Variants in TRAPPC10 observed in about 807,000 individuals in gnomAD.
The protein encoded by TRAPPC10 is trafficking protein particle complex subunit 10, also known as TRAPP 130 kDa subunit.
In TRAPPC10, 23 loss-of-function variants were observed where a neutral mutation model predicts 125.5. That is an observed-to-expected ratio of 0.18 (90% confidence interval 0.13 to 0.26). The LOEUF (loss-of-function observed/expected upper bound fraction) is 0.26, where lower values mean the gene tolerates loss of function less well. Among genes scored for constraint, TRAPPC10 ranks in the 10% least tolerant of loss-of-function variants. The pLI, the probability that TRAPPC10 is intolerant of heterozygous loss-of-function variation, is 1.00. For missense variants in TRAPPC10, 1,123 were observed against 1,308.4 expected (o/e 0.86, Z 2.19); for synonymous variants, 509 against 518.0 (o/e 0.98, Z 0.24).
Position 44,055,900 on chromosome 21 carries a change from G to C in TRAPPC10, c.678+7G>C. On this transcript the variant is annotated splice_region_variant and intron_variant, in intron 5 of 22. Coordinates refer to ENST00000291574, the MANE Select transcript of TRAPPC10 (RefSeq NM_003274.5). Reference sequence around the variant, plus strand: ...TGAATATTTCATGGTTCAGGTACTTGACTCATTACAGAACTAGACAGTTCC... The same window carrying C: ...TGAATATTTCATGGTTCAGGTACTTCACTCATTACAGAACTAGACAGTTCC... 6.3e-7 allele frequency: 1 copy of C among 1,592,338 alleles called. No homozygotes were observed. Among genetic ancestry groups the C allele is most frequent in the Non-Finnish European group, 8.6e-7 (1 of 1,162,964 alleles).
intron 1 of TRAPPC10, among the ~76,000 whole-genome samples, chr21:44,015,436 G>C (rs186088698): frequency 6.6e-6 from 1 of 151,946 alleles, no homozygotes; most frequent in East Asian, 1.9e-4. Flanking sequence ...TATTTTTTTA[G>C]AGATGGGGTC....
chr21:44,014,443 G>A (rs146442326), intron 1 of TRAPPC10, among the ~76,000 whole-genome samples: 1 of 151,904 alleles, frequency 6.6e-6, no homozygotes, highest in African/African-American at 2.4e-5. Flanking sequence ...GCCCAGGCTG[G>A]AGTGCAGTGG....
chr21:44,020,632 T>G (rs2032412222), intron 1 of TRAPPC10, among the ~76,000 whole-genome samples: 1 of 151,690 alleles, frequency 6.6e-6, no homozygotes, highest in African/African-American at 2.4e-5. Context: ...AGACCCTGTC[T>G]CAAAAAACAA....
intron 3 of TRAPPC10, among the ~76,000 whole-genome samples, chr21:44,051,023 C>T (rs535049820): frequency 1.1e-4 from 17 of 152,182 alleles, no homozygotes; most frequent in Non-Finnish European, 1.6e-4. Context: ...CCTGCCTCAG[C>T]CTCCTGAGTA....
intron 7 of TRAPPC10, among the ~76,000 whole-genome samples, chr21:44,073,511 T>C (rs982262286): frequency 2.0e-5 from 3 of 152,340 alleles, no homozygotes; most frequent in Non-Finnish European, 4.4e-5. Flanking sequence ...GATTTTGCTT[T>C]TCTGATAGTG....
chr21:44,069,821 C>G (rs1012659029), intron 7 of TRAPPC10, among the ~76,000 whole-genome samples: 1 of 151,952 alleles, frequency 6.6e-6, no homozygotes, highest in Non-Finnish European at 1.5e-5. Flanking sequence ...CAGTGATGAA[C>G]GTGAATGGGT....
In TRAPPC10 at chr21:44,094,126, C is replaced by G. The variant is rs747222442; in HGVS notation, c.3061C>G (p.Pro1021Ala). ...ACTCAAGTGGACAGAAGAGCCTCCC[C>G]CTTCTCTGCATTGCCGGTTCTCTGT... Reference protein sequence around the residue: ...WELKWTEEPPPSLHCRFSVGF... With the variant: ...WELKWTEEPPASLHCRFSVGF... The change falls in exon 20 of 23, where the codon CCT becomes GCT. Residue 1021 changes from proline (P) to alanine (A), a missense_variant. Around this residue, in one of 4 missense-constraint regions of TRAPPC10, gnomAD observed 840 missense variants for 902.0 expected, o/e 0.93. Coordinates refer to ENST00000291574, the MANE Select transcript of TRAPPC10 (RefSeq NM_003274.5). The G allele has an allele frequency of 1.9e-6, 3 of 1,614,082 alleles. No homozygotes were observed. Among genetic ancestry groups the G allele is most frequent in the Non-Finnish European group, 1.7e-6 (2 of 1,180,034 alleles).
chr21:44,018,405 G>GA (rs981491020), intron 1 of TRAPPC10, among the ~76,000 whole-genome samples: 43 of 150,034 alleles, frequency 2.9e-4, no homozygotes, highest in Non-Finnish European at 4.9e-4. Context: ...CCTGGTCTCA[G>GA]AAAAAAAAAT....
intron 7 of TRAPPC10, among the ~76,000 whole-genome samples, chr21:44,064,166 A>G (rs2036255082): frequency 6.6e-6 from 1 of 152,228 alleles, no homozygotes; most frequent in African/African-American, 2.4e-5. Flanking sequence ...CACTTATGTC[A>G]TGTAGACATT....
intron 1 of TRAPPC10, among the ~76,000 whole-genome samples, chr21:44,028,370 G>A (rs973436725): frequency 6.6e-6 from 1 of 152,152 alleles, no homozygotes; most frequent in South Asian, 2.1e-4. Flanking sequence ...CCCATCCAGC[G>A]GCTCCAGGCG....
In TRAPPC10 at chr21:44,083,046, C is replaced by T. The variant is rs1569210430; in HGVS notation, c.1982C>T (p.Thr661Ile). The change falls in exon 14 of 23, where the codon ACC (threonine) becomes ATC (isoleucine). Residue 661 changes from threonine (T) to isoleucine (I), a missense_variant. Thr to Ile is a moderately conservative substitution (Grantham distance 89). Coordinates refer to ENST00000291574, the MANE Select transcript of TRAPPC10 (RefSeq NM_003274.5). ...SNGIINFPPE[T>I]APFPVSQNSL... ...GGGATCATTAACTTTCCACCCGAGA[C>T]CGCACCTTTCCCTGTATCCCAAAAC... 1 of 1,614,100 alleles carries T rather than the reference C, an allele frequency of 6.2e-7. No individual in the cohort carries two copies. Among genetic ancestry groups the T allele is most frequent in the Non-Finnish European group, 8.5e-7 (1 of 1,180,026 alleles).
chr21:44,051,150 C>T (rs2035208881), intron 3 of TRAPPC10, among the ~76,000 whole-genome samples: 1 of 152,186 alleles, frequency 6.6e-6, no homozygotes, highest in African/African-American at 2.4e-5. Context: ...GCAATCCACC[C>T]ACCTTAGCCT....
intron 1 of TRAPPC10, among the ~76,000 whole-genome samples, chr21:44,024,164 G>T (rs1170733791): frequency 6.6e-6 from 1 of 152,212 alleles, no homozygotes; most frequent in Non-Finnish European, 1.5e-5. Flanking sequence ...ACTCAGGGCT[G>T]CAGGGTTTTA....
chr21:44,051,305 C>T (rs1365406232), intron 3 of TRAPPC10, among the ~76,000 whole-genome samples: 2 of 152,140 alleles, frequency 1.3e-5, no homozygotes, highest in Non-Finnish European at 2.9e-5. Context: ...TAGGGCAGGA[C>T]AGTGAGGAAC....
intron 10 of TRAPPC10, among the ~76,000 whole-genome samples, chr21:44,077,453 G>A (rs151139749): frequency 1.2e-3 from 181 of 152,218 alleles, no homozygotes; most frequent in African/African-American, 4.2e-3. Flanking sequence ...GCCGGGCCTG[G>A]TGGCGCCTGT....
chr21:44,056,868 T>A (rs1408008403), intron 5 of TRAPPC10, among the ~76,000 whole-genome samples: 3 of 152,202 alleles, frequency 2.0e-5, no homozygotes, highest in Non-Finnish European at 4.4e-5. Flanking sequence ...GTTAATTTTC[T>A]GGTTGTGACA....
intron 5 of TRAPPC10, among the ~76,000 whole-genome samples, chr21:44,057,984 C>T (rs545575476): frequency 1.3e-5 from 2 of 152,284 alleles, no homozygotes; most frequent in Admixed American, 6.5e-5. Flanking sequence ...CACCTGTTGC[C>T]CTCTCTTTTC....
At chr21:44,066,753 T>C (rs568545973) in intron 7 of TRAPPC10, among the ~76,000 whole-genome samples, 1 of 152,342 alleles carries the variant, frequency 6.6e-6, no homozygotes, top group Admixed American at 6.5e-5. Context: ...TGCAGCAGTT[T>C]GTATCCTTAT....
intron 2 of TRAPPC10, among the ~76,000 whole-genome samples, chr21:44,036,605 A>G (rs573803772): frequency 1.3e-5 from 2 of 152,170 alleles, no homozygotes; most frequent in Non-Finnish European, 2.9e-5. Flanking sequence ...AGTGAATACA[A>G]ATATTTTCAG....
Sources: allele counts gnomAD v4.1 joint callset (sites outside exome capture counted in the v4.1 genomes callset), GRCh38; gene constraint gnomAD v4.1.1; regional missense constraint gnomAD v4.1.1; transcripts MANE v1.5; gene names NCBI Gene and HGNC (gene_info 2026-07-23, HGNC 2026-07-21).